Variants in MACROD1 observed in about 807,000 individuals in gnomAD.
MACROD1 encodes mono-ADP ribosylhydrolase 1, also known as ADP-ribose glycohydrolase MACROD1.
In MACROD1, 31 loss-of-function variants were observed where a neutral mutation model predicts 41.4. That is an observed-to-expected ratio of 0.75 (90% confidence interval 0.56 to 1.01). MACROD1 has a LOEUF of 1.01. MACROD1 is among the 50% of genes least tolerant of loss of function. The pLI is 0.00. For synonymous variants in MACROD1, 252 were observed against 203.4 expected (o/e 1.24, Z -2.03); for missense variants, 473 against 460.0 (o/e 1.03, Z -0.26).
rs1027177071 is a variant in MACROD1 at position 63,998,627 on chromosome 11, C to T, written c.*91G>A. 3.8e-6 allele frequency: 5 copies of T among 1,302,620 alleles called. No individual in the cohort carries two copies. The highest frequency in any genetic ancestry group is 5.1e-5 in the South Asian group (2 of 39,170). The allele number at this position is 1,302,620 out of a possible 1,614,324, so 80.7% of individuals were successfully genotyped here. ...GAGGGAAAGAAGGGGTGGCCAGGCC[C>T]AGGCCAGGCTGCAGGCTTTGGCGAC... On this transcript the variant is annotated 3_prime_UTR_variant, in exon 11 of 11. Transcript: ENST00000255681.
At position 64,120,547 on chromosome 11, in the gene MACROD1, A is replaced by G. The variant is rs933607614; in HGVS notation, c.517+30692T>C. On this transcript the variant is annotated intron_variant, in intron 3 of 10. Coordinates refer to ENST00000255681, the MANE Select transcript of MACROD1 (RefSeq NM_014067.4). The surrounding 1 kb of genome is among the most constrained non-coding windows in gnomAD (Gnocchi z 4.5). Reference sequence around the variant, plus strand: ...CTAAAAATGCAAAAATTAGCCAGGCATGGTGGCAGGCGCCTGTTACCTGGC... The same window carrying G: ...CTAAAAATGCAAAAATTAGCCAGGCGTGGTGGCAGGCGCCTGTTACCTGGC... Among the ~76,000 whole-genome samples the G allele has an allele frequency of 1.3e-5, 2 of 152,130 alleles. No homozygotes were observed. The highest frequency in any genetic ancestry group is 4.8e-5 in the African/African-American group (2 of 41,424).
rs573149337 is a variant in MACROD1, at chr11:64,132,062, T to C, written c.517+19177A>G. ...GCCAGGTCTCTGCACCTTCCCCTGC[T>C]CTGGAGAACTATGCAGAAATGGCTG... On this transcript the variant is annotated intron_variant, in intron 3 of 10. Transcript: ENST00000255681. 7.9e-5 allele frequency among the ~76,000 whole-genome samples: 12 copies of C among 152,270 alleles called. No homozygotes were observed. The South Asian group carries it at 1.2e-3, about 16-fold the overall frequency.
At chr11:64,147,395 CTT>C (rs1278976301) in intron 3 of MACROD1, among the ~76,000 whole-genome samples, 10 of 129,450 alleles carry the variant, frequency 7.7e-5, no homozygotes, top group Admixed American at 1.6e-4. Flanking sequence ...TTCTTTCTTT[CTT>C]TTTTTTTTTT....
At chr11:64,098,740 A>T (rs999632109) in intron 3 of MACROD1, among the ~76,000 whole-genome samples, 1 of 152,168 alleles carries the variant, frequency 6.6e-6, no homozygotes, top group African/African-American at 2.4e-5. Flanking sequence ...CCTGCTTACA[A>T]TGATCTAAAC....
intron 3 of MACROD1, among the ~76,000 whole-genome samples, chr11:64,144,179 C>T (rs1168721973): frequency 6.6e-6 from 1 of 151,980 alleles, no homozygotes; most frequent in Non-Finnish European, 1.5e-5. Flanking sequence ...TCTGTGCTCT[C>T]TCCCCACAGA....
At chr11:64,147,859 C>T (rs1945517346) in intron 3 of MACROD1, among the ~76,000 whole-genome samples, 1 of 152,062 alleles carries the variant, frequency 6.6e-6, no homozygotes, top group African/African-American at 2.4e-5. Context: ...CCTCCTGCCT[C>T]AGCCTCCTGA....
chr11:64,013,841 G>A (rs937786803), intron 4 of MACROD1, among the ~76,000 whole-genome samples: 4 of 152,090 alleles, frequency 2.6e-5, no homozygotes, highest in East Asian at 3.9e-4. Flanking sequence ...CCCTCTGCCC[G>A]GGACACCCTT....
At chr11:64,085,387 G>T (rs1013389666) in intron 3 of MACROD1, among the ~76,000 whole-genome samples, 6 of 152,332 alleles carry the variant, frequency 3.9e-5, no homozygotes, top group African/African-American at 1.4e-4. Context: ...TGGGGGCGGC[G>T]GGCTGCCTGC....
intron 3 of MACROD1, among the ~76,000 whole-genome samples, chr11:64,027,414 G>A (rs1446237902): frequency 6.6e-6 from 1 of 152,206 alleles, no homozygotes; most frequent in East Asian, 1.9e-4. Flanking sequence ...GGTTGAGGGA[G>A]GGCTGGGAGA....
chr11:64,034,450 G>A (rs372804636), intron 3 of MACROD1, among the ~76,000 whole-genome samples: 161 of 152,362 alleles, frequency 1.1e-3, no homozygotes, highest in African/African-American at 3.6e-3. Flanking sequence ...GAAATTGGGA[G>A]AAAGAAGAAA....
At chr11:64,062,395 T>C (rs1943921535) in intron 3 of MACROD1, among the ~76,000 whole-genome samples, 1 of 152,170 alleles carries the variant, frequency 6.6e-6, no homozygotes, top group South Asian at 2.1e-4. Context: ...GGAGGTCTTA[T>C]GTCTGCCTAG....
chr11:64,024,704 G>A (rs902612566), intron 3 of MACROD1, among the ~76,000 whole-genome samples: 1 of 152,252 alleles, frequency 6.6e-6, no homozygotes, highest in African/African-American at 2.4e-5. Flanking sequence ...AGCCTTGGCG[G>A]GTGGGAGGGT....
chr11:64,044,170 G>T (rs1943541336), intron 3 of MACROD1, among the ~76,000 whole-genome samples: 1 of 151,904 alleles, frequency 6.6e-6, no homozygotes, highest in Non-Finnish European at 1.5e-5. Context: ...TACAACACAT[G>T]AGAGTAATCA....
intron 3 of MACROD1, chr11:64,117,387 G>A (rs138445479): frequency 8.1e-6 from 13 of 1,612,198 alleles, no homozygotes; most frequent in East Asian, 2.2e-5. Flanking sequence ...CATTACCAGC[G>A]AGATGGACGA....
rs375707394 is a variant in MACROD1, at chr11:64,090,686, C to CGG, written c.517+60551_517+60552dup. 6.6e-6 allele frequency among the ~76,000 whole-genome samples: 1 copy of CGG among 152,236 alleles called. No homozygotes were observed. The highest frequency in any genetic ancestry group is 2.4e-5 in the African/African-American group (1 of 41,528). ...CCACCAACAGACCACTTCTCTGAGG[C>CGG]GGGGACGTCCCAAGACTAAAATGGG... is the stretch of plus-strand genomic sequence containing the variant. On this transcript the variant is annotated intron_variant, in intron 3 of 10. Coordinates refer to ENST00000255681, the MANE Select transcript of MACROD1 (RefSeq NM_014067.4). This position sits in a 1 kb window ranked among gnomAD's most constrained non-coding sequence, Gnocchi z 4.7.
intron 3 of MACROD1, among the ~76,000 whole-genome samples, chr11:64,062,476 A>G (rs1943923221): frequency 1.3e-5 from 2 of 152,228 alleles, no homozygotes; most frequent in African/African-American, 4.8e-5. Context: ...TGCAGGAAGC[A>G]TCACAGATTT....
intron 8 of MACROD1, 64 bp from the exon 9 acceptor site, chr11:63,999,100 C>T: frequency 6.8e-7 from 1 of 1,478,248 alleles, no homozygotes; most frequent in Non-Finnish European, 9.1e-7. Context: ...CCTGTGACTG[C>T]CTGCCCTGGT....
chr11:64,088,050 G>A (rs933735433), intron 3 of MACROD1, among the ~76,000 whole-genome samples: 2 of 152,172 alleles, frequency 1.3e-5, no homozygotes, highest in Non-Finnish European at 2.9e-5. Flanking sequence ...CCCTGTCACT[G>A]GCTCTCTGGG....
intron 3 of MACROD1, among the ~76,000 whole-genome samples, chr11:64,132,281 C>T (rs578258800): frequency 6.6e-5 from 10 of 152,182 alleles, no homozygotes; most frequent in African/African-American, 2.4e-4. Context: ...TATGGAGGCT[C>T]CCGGGGCTTA....
Sources: gnomAD v4.1 joint callset for allele counts (sites outside exome capture counted in the v4.1 genomes callset) on GRCh38, gnomAD v4.1.1 for gene constraint, Gnocchi (gnomAD v3.1) non-coding constraint, MANE v1.5 for transcripts, NCBI Gene and HGNC (gene_info 2026-07-23, HGNC 2026-07-21) for gene names.